Variants in TMC2 observed in about 807,000 individuals in gnomAD.
The protein encoded by TMC2 is transmembrane channel-like protein 2.
Under a neutral mutation model 105.9 loss-of-function variants are expected in TMC2, and 102 were observed. The observed-to-expected ratio is 0.96, with a 90% CI of 0.82 to 1.14. TMC2 has a LOEUF of 1.14. Among genes scored for constraint, TMC2 ranks in the 50% most tolerant of loss-of-function variants. The pLI is 0.00. For synonymous variants in TMC2, 402 were observed against 422.8 expected (o/e 0.95, Z 0.60); for missense variants, 1,093 against 1,134.3 (o/e 0.96, Z 0.52).
chr20:2,628,161 C>G (rs1040866198), intron 17 of TMC2, among the ~76,000 whole-genome samples: 1 of 145,812 alleles, frequency 6.9e-6, no homozygotes. Context: ...GAGCGAGACT[C>G]TGTCTCAAAA....
chr20:2,565,093 A>C (rs890997363), intron 4 of TMC2, among the ~76,000 whole-genome samples: 1 of 152,106 alleles, frequency 6.6e-6, no homozygotes, highest in Non-Finnish European at 1.5e-5. Context: ...TGTCCCTCTC[A>C]TTCCAAGGCA....
At chr20:2,545,920 T>TGAAAGAAAGAAAGAAAGAAAGAAA (rs755029898) in intron 2 of TMC2, among the ~76,000 whole-genome samples, 14 of 130,874 alleles carry the variant, frequency 1.1e-4, no homozygotes, top group African/African-American at 3.7e-4. Context: ...AAGAAAGAAA[T>TGAAAGAAAGAAAGAAAGAAAGAAA]GAAAGAAAGA....
intron 5 of TMC2, 24 bp downstream of exon 5, chr20:2,572,293 T>A: frequency 6.3e-7 from 1 of 1,578,554 alleles, no homozygotes; most frequent in Non-Finnish European, 8.7e-7. Flanking sequence ...GGGCAGTGAA[T>A]CTGTTGGGAG....
intron 7 of TMC2, among the ~76,000 whole-genome samples, chr20:2,588,814 G>C (rs2086248507): frequency 6.6e-6 from 1 of 150,622 alleles, no homozygotes; most frequent in East Asian, 2.0e-4. Flanking sequence ...TTTAAGTCTG[G>C]ACTTTTTTAA....
intron 16 of TMC2, among the ~76,000 whole-genome samples, chr20:2,621,856 T>C (rs1421877468): frequency 1.3e-5 from 2 of 152,194 alleles, no homozygotes; most frequent in Non-Finnish European, 2.9e-5. Flanking sequence ...CCTCCAGAAC[T>C]GTAAGATATT....
intron 11 of TMC2, among the ~76,000 whole-genome samples, chr20:2,606,898 T>TTTTTTTTTTTTG (rs2086397798): frequency 6.8e-6 from 1 of 147,728 alleles, no homozygotes; most frequent in African/African-American, 2.5e-5. Flanking sequence ...TTTCTTTTTT[T>TTTTTTTTTTTTG]TTTTTTTTTT....
chr20:2,602,354 C>G (rs1172232386), intron 11 of TMC2, 53 bp downstream of exon 11: 4 of 1,371,588 alleles, frequency 2.9e-6, no homozygotes, highest in African/African-American at 2.9e-5. Flanking sequence ...ACTGAAATCA[C>G]TGGTTCCTAT....
intron 7 of TMC2, among the ~76,000 whole-genome samples, chr20:2,586,180 G>C (rs2086230437): frequency 6.6e-6 from 1 of 152,192 alleles, no homozygotes; most frequent in African/African-American, 2.4e-5. Context: ...TTCAGGTGCA[G>C]ATGAAGCTCC....
At chr20:2,612,130 A>T (rs73572264) in intron 12 of TMC2, 61 bp from the exon 13 acceptor site, 8 of 1,486,590 alleles carry the variant, frequency 5.4e-6, no homozygotes, top group Non-Finnish European at 6.3e-6. Context: ...CACTGTTCTT[A>T]TGGAAACAGT....
At chr20:2,566,191 C>T (rs545874284) in intron 4 of TMC2, among the ~76,000 whole-genome samples, 37 of 152,314 alleles carry the variant, frequency 2.4e-4, no homozygotes, top group Non-Finnish European at 4.4e-4. Context: ...CCTCTCTGAG[C>T]CTAATAATTC....
At chr20:2,581,111 T>A (rs537874098) in intron 7 of TMC2, among the ~76,000 whole-genome samples, 3 of 152,222 alleles carry the variant, frequency 2.0e-5, no homozygotes, top group Non-Finnish European at 4.4e-5. Context: ...TATTTTGTTA[T>A]AAATGGTTCT....
chr20:2,600,328 G>A lies in TMC2; in HGVS notation c.1225-1785G>A, dbSNP rs530999500. 2.0e-5 allele frequency among the ~76,000 whole-genome samples: 3 copies of A among 152,160 alleles called. No homozygotes were observed. The East Asian group carries it at 5.8e-4, about 29-fold the overall frequency. On this transcript the variant is annotated intron_variant, in intron 10 of 19. Coordinates refer to ENST00000358864, the MANE Select transcript of TMC2 (RefSeq NM_080751.3). ...GTTCTACCAATTACTCTGTGTCTAG[G>A]GCACAAGTTTAATAATCAAAAATCA...
chr20:2,601,639 G>A (rs139300927), intron 10 of TMC2, among the ~76,000 whole-genome samples: 5 of 152,144 alleles, frequency 3.3e-5, no homozygotes, highest in South Asian at 2.1e-4. Context: ...TCAGGAGATC[G>A]AGACCAGCCT....
At chr20:2,565,019 C>T (rs2086054269) in intron 4 of TMC2, among the ~76,000 whole-genome samples, 1 of 152,186 alleles carries the variant, frequency 6.6e-6, no homozygotes, top group African/African-American at 2.4e-5. Flanking sequence ...AAGACTCGGG[C>T]CAAGTGCCTC....
intron 1 of TMC2, 100 bp from the exon 2 acceptor site, chr20:2,537,169 C>T (rs2085855252): frequency 7.7e-6 from 8 of 1,044,182 alleles, no homozygotes; most frequent in South Asian, 2.7e-5. Flanking sequence ...CAGTTTGAGG[C>T]AGCCACAAAT....
intron 4 of TMC2, among the ~76,000 whole-genome samples, chr20:2,568,942 C>A (rs898603872): frequency 3.3e-5 from 5 of 152,172 alleles, no homozygotes; most frequent in African/African-American, 1.2e-4. Flanking sequence ...TTGGAGGCAG[C>A]AGGAACAGTG....
At chr20:2,556,627 T>C (rs766981136) in intron 2 of TMC2, among the ~76,000 whole-genome samples, 3 of 152,158 alleles carry the variant, frequency 2.0e-5, no homozygotes, top group African/African-American at 7.2e-5. Context: ...GTTTTTTAAT[T>C]AGCTGGGAGG....
At chr20:2,562,073 G>T in intron 4 of TMC2, 63 bp downstream of exon 4, 2 of 1,547,910 alleles carry the variant, frequency 1.3e-6, no homozygotes, top group Non-Finnish European at 1.7e-6. Context: ...ATGGGAATGG[G>T]AGCCCTCCCT....
rs1456328974 is a variant in TMC2 at position 2,558,785 on chromosome 20, G to T, written c.401+11G>T. The T allele has an allele frequency of 6.6e-7, 1 of 1,524,560 alleles. No individual in the cohort carries two copies. The highest frequency in any genetic ancestry group is 1.3e-5 in the South Asian group (1 of 75,474). 94.4% of individuals were successfully genotyped at this position (1,524,560 alleles called of 1,614,324 possible). The stretch of plus-strand genomic sequence containing the variant: ...GCAGAAGAAACCCAGGTGTGTTGTG[G>T]CTCCGATTCTGGGCATTCGCTCCGC... On this transcript the variant is annotated intron_variant, in intron 3 of 19. Coordinates refer to ENST00000358864, the MANE Select transcript of TMC2 (RefSeq NM_080751.3). This position sits in a 1 kb window ranked among gnomAD's most constrained non-coding sequence, Gnocchi z 4.6.
Sources: gnomAD v4.1 joint callset for allele counts (sites outside exome capture counted in the v4.1 genomes callset) on GRCh38, gnomAD v4.1.1 for gene constraint, Gnocchi (gnomAD v3.1) non-coding constraint, MANE v1.5 for transcripts, NCBI Gene and HGNC (gene_info 2026-07-23, HGNC 2026-07-21) for gene names.